Variants in UNC13C observed in about 807,000 individuals in gnomAD.
UNC13C encodes the protein protein unc-13 homolog C.
In UNC13C, 174 loss-of-function variants were observed where a neutral mutation model predicts 245.4. The observed-to-expected ratio is 0.71, with a 90% CI of 0.63 to 0.80. UNC13C has a LOEUF of 0.80. Among genes scored for constraint, UNC13C ranks in the 30% least tolerant of loss-of-function variants. UNC13C has a pLI of 0.00. For synonymous variants in UNC13C, 992 were observed against 895.1 expected (o/e 1.11, Z -1.93); for missense variants, 2,829 against 2,602.9 (o/e 1.09, Z -1.89).
intron 10 of UNC13C, among the ~76,000 whole-genome samples, chr15:54,273,758 TA>T (rs1176712373): frequency 5.3e-5 from 8 of 152,138 alleles, no homozygotes; most frequent in Admixed American, 5.2e-4. Context: ...ATCCGAAAAC[TA>T]AAATGCCAAT....
At chr15:53,842,215 C>T in the UNC13C span, among the ~76,000 whole-genome samples, 1 of 152,166 alleles carries the variant, frequency 6.6e-6, no homozygotes, top group East Asian at 1.9e-4. Flanking sequence ...AAATCCAATA[C>T]TGTCTTTTAC....
At chr15:54,022,451 G>A (rs1374891757) in intron 2 of UNC13C, among the ~76,000 whole-genome samples, 1 of 152,056 alleles carries the variant, frequency 6.6e-6, no homozygotes, top group Non-Finnish European at 1.5e-5. Context: ...GGGATTACAA[G>A]CAAAAGCCAC....
At chr15:54,268,674 T>C (rs2140896924) in intron 10 of UNC13C, among the ~76,000 whole-genome samples, 1 of 152,244 alleles carries the variant, frequency 6.6e-6, no homozygotes, top group Non-Finnish European at 1.5e-5. Context: ...AGGCTAATTA[T>C]TCCCCATATA....
chr15:53,971,665 T>C, the UNC13C span, among the ~76,000 whole-genome samples: 2 of 152,208 alleles, frequency 1.3e-5, no homozygotes, highest in African/African-American at 2.4e-5. Context: ...TTTTAAAAAG[T>C]ATACTTTCTT....
intron 2 of UNC13C, among the ~76,000 whole-genome samples, chr15:54,055,804 A>G (rs1040173492): frequency 6.6e-6 from 1 of 152,186 alleles, no homozygotes; most frequent in African/African-American, 2.4e-5. Context: ...ACTAATAGGG[A>G]ATGAAAGGTC....
downstream of UNC13C, chr15:54,629,870 G>C (rs530654431): frequency 6.6e-6 from 1 of 152,230 alleles, no homozygotes; most frequent in African/African-American, 2.4e-5. Context: ...CCTAATAGTG[G>C]CAGGGTGAAT....
chr15:53,973,263 A>G (rs1016937436), upstream of UNC13C, among the ~76,000 whole-genome samples: 6 of 152,126 alleles, frequency 3.9e-5, no homozygotes, highest in Non-Finnish European at 8.8e-5. Context: ...ATAGTAGAAA[A>G]TGACAATATT....
intron 4 of UNC13C, among the ~76,000 whole-genome samples, chr15:54,204,749 G>A (rs530712062): frequency 1.6e-4 from 25 of 151,940 alleles, no homozygotes; most frequent in Non-Finnish European, 2.1e-4. Context: ...GTTGAGGAAA[G>A]CAAAAGAATT....
intron 30 of UNC13C, among the ~76,000 whole-genome samples, chr15:54,589,289 CTTTTTTTTT>C (rs71105821): frequency 4.7e-4 from 25 of 53,496 alleles, no homozygotes; most frequent in Admixed American, 3.6e-3. Flanking sequence ...TCTTCTTCTT[CTTTTTTTTT>C]TTTTTTTTTT....
At chr15:54,248,940 A>G (rs1358545139) in intron 7 of UNC13C, among the ~76,000 whole-genome samples, 1 of 152,246 alleles carries the variant, frequency 6.6e-6, no homozygotes, top group East Asian at 1.9e-4. Flanking sequence ...AAAGTTAGTC[A>G]TTTCAACACT....
chr15:54,335,768 G>A (rs1031748955), intron 16 of UNC13C, among the ~76,000 whole-genome samples: 2 of 152,158 alleles, frequency 1.3e-5, no homozygotes, highest in African/African-American at 4.8e-5. Flanking sequence ...CCCTCATTGA[G>A]AGATGTTTGA....
At chr15:54,554,126 T>C (rs898266415) in intron 28 of UNC13C, among the ~76,000 whole-genome samples, 6 of 152,036 alleles carry the variant, frequency 3.9e-5, no homozygotes, top group South Asian at 2.1e-4. Context: ...ATAAAATCTG[T>C]GACACACATT....
At chr15:54,262,309 GGA>G (rs2036446161) in intron 8 of UNC13C, among the ~76,000 whole-genome samples, 1 of 152,166 alleles carries the variant, frequency 6.6e-6, no homozygotes, top group South Asian at 2.1e-4. Flanking sequence ...TGGAAATTTG[GGA>G]GAGAGTCAAC....
chr15:54,237,851 G>C (rs898951526), intron 7 of UNC13C, among the ~76,000 whole-genome samples, 161 bp downstream of exon 7: 1 of 152,092 alleles, frequency 6.6e-6, no homozygotes. Flanking sequence ...CTTCCTCAGG[G>C]ACTCAGCCAA....
chr15:53,845,465 C>T, the UNC13C span, among the ~76,000 whole-genome samples: 2 of 152,098 alleles, frequency 1.3e-5, no homozygotes, highest in African/African-American at 2.4e-5. Flanking sequence ...CAACACAGCC[C>T]TCCTACTTTG....
At chr15:54,547,800 A>G (rs1329952840) in intron 27 of UNC13C, among the ~76,000 whole-genome samples, 1 of 147,570 alleles carries the variant, frequency 6.8e-6, no homozygotes, top group Non-Finnish European at 1.5e-5. Context: ...TCACATTTAT[A>G]AATACACACA....
intron 10 of UNC13C, 28 bp from the exon 11 acceptor site, chr15:54,293,867 T>C (rs780691164): frequency 6.7e-7 from 1 of 1,497,800 alleles, no homozygotes; most frequent in Non-Finnish European, 8.9e-7. Flanking sequence ...TTTTCAATTG[T>C]TGTTAACTTA....
intron 4 of UNC13C, among the ~76,000 whole-genome samples, chr15:54,155,524 C>A (rs1001720960): frequency 6.6e-5 from 10 of 152,068 alleles, no homozygotes; most frequent in Non-Finnish European, 1.5e-4. Context: ...ATTAAATATT[C>A]TTCAAATTAT....
At chr15:54,333,672 T>C (rs2038498901) in intron 15 of UNC13C, 95 bp from the exon 16 acceptor site, 1 of 748,158 alleles carries the variant, frequency 1.3e-6, no homozygotes, top group Non-Finnish European at 2.3e-6. Context: ...ACAGTTTACT[T>C]TCCATTTTCT....
Sources: allele counts gnomAD v4.1 joint callset (sites outside exome capture counted in the v4.1 genomes callset), GRCh38; gene constraint gnomAD v4.1.1; transcripts MANE v1.5; gene names NCBI Gene and HGNC (gene_info 2026-07-23, HGNC 2026-07-21).